The following PLCZ1 variants were observed in gnomAD, a reference collection of about 807,000 sequenced individuals.
PLCZ1 encodes 1-phosphatidylinositol 4,5-bisphosphate phosphodiesterase zeta-1.
Under a neutral mutation model 76.8 loss-of-function variants are expected in PLCZ1, and 64 were observed. That is an observed-to-expected ratio of 0.83 (90% CI 0.68 to 1.03). The LOEUF is 1.03. Among genes scored for constraint, PLCZ1 ranks in the 50% least tolerant of loss-of-function variants. The pLI is 0.00. For missense variants in PLCZ1, 751 were observed against 713.7 expected (o/e 1.05, Z -0.60); for synonymous variants, 248 against 230.8 (o/e 1.07, Z -0.68).
At position 18,696,251 on chromosome 12, in the gene PLCZ1, AAAAT is replaced by A. The variant is rs753566533; in HGVS notation, c.1186_1189del (p.Ile396PhefsTer30). 1.9e-6 allele frequency: 3 copies of A among 1,573,730 alleles called. No individual in the cohort carries two copies. Among genetic ancestry groups the A allele is most frequent in the East Asian group, 2.3e-5 (1 of 44,074 alleles). Reference sequence around the variant, plus strand: ...TCTGGTAATGAACTTCCTGGTGTGAAAAATAAACTCATGGACTGAAAAAGAATAA... The same window carrying A: ...TCTGGTAATGAACTTCCTGGTGTGAAAAACTCATGGACTGAAAAAGAATAA... On this transcript the variant is annotated frameshift_variant, in exon 11 of 15. Coordinates refer to ENST00000266505, the MANE Select transcript of PLCZ1 (RefSeq NM_033123.4). LOFTEE classifies it high-confidence loss of function.
chr12:18,737,830 C>T lies in PLCZ1; in HGVS notation c.-139+102G>A, dbSNP rs180917302. ...CTACTCTGAGAGCCTGAGTATAAATCAACACCATTGTGATTCCTGAAGTTG... is the reference window on the plus strand; with the variant it reads ...CTACTCTGAGAGCCTGAGTATAAATTAACACCATTGTGATTCCTGAAGTTG... On this transcript the variant is annotated intron_variant, in intron 1 of 14. Coordinates refer to ENST00000266505, the MANE Select transcript of PLCZ1 (RefSeq NM_033123.4). 1.7e-4 allele frequency: 50 copies of T among 295,474 alleles called. No homozygotes were observed. The Admixed American group carries it at 2.0e-3, about 12-fold the overall frequency. The allele number at this position is 295,474 out of a possible 1,614,324, so 18.3% of individuals were successfully genotyped here.
intron 6 of PLCZ1, 89 bp downstream of exon 6, chr12:18,712,753 G>T: frequency 1.4e-6 from 2 of 1,466,522 alleles, no homozygotes; most frequent in Non-Finnish European, 1.9e-6. Flanking sequence ...ATCATCTAAA[G>T]TAAGGCTAAG....
At chr12:18,687,435 GGGATC>G in intron 13 of PLCZ1, among the ~76,000 whole-genome samples, 1 of 152,092 alleles carries the variant, frequency 6.6e-6, no homozygotes, top group African/African-American at 2.4e-5. Flanking sequence ...ATCCTGACCA[GGGATC>G]AATCCCAGGA....
intron 5 of PLCZ1, among the ~76,000 whole-genome samples, chr12:18,717,214 T>G (rs114894255): frequency 9.2e-5 from 14 of 152,094 alleles, no homozygotes; most frequent in African/African-American, 3.1e-4. Context: ...TATAACTGCT[T>G]TAATATTTAT....
chr12:18,683,245 G>A lies in PLCZ1; in HGVS notation c.1821C>T (p.Val607=). The change falls in exon 15 of 15, where the codon GTC becomes GTT. Residue 607 remains valine, a synonymous_variant. Coordinates refer to ENST00000266505, the MANE Select transcript of PLCZ1 (RefSeq NM_033123.4). ...PASLFVYVWY[V]R ...TGTCATTTATCATTAGCTGTTATCT[G>A]ACGTACCAAACATAAACAAACAGTG... The A allele has an allele frequency of 6.2e-7, 1 of 1,612,198 alleles. No individual in the cohort carries two copies.
At chr12:18,650,299 CTCT>C in the PLCZ1 span, among the ~76,000 whole-genome samples, 2 of 12,932 alleles carry the variant, frequency 1.5e-4, no homozygotes, top group South Asian at 0.015. Flanking sequence ...AAATTTCTCT[CTCT>C]CTCTCTCTCT....
chr12:18,666,059 A>G, the PLCZ1 span, among the ~76,000 whole-genome samples: 5 of 152,082 alleles, frequency 3.3e-5, no homozygotes, highest in Non-Finnish European at 7.4e-5. Flanking sequence ...TAAGATATTA[A>G]TGGTAATCTC....
chr12:18,689,058 G>A (rs1187584299), intron 12 of PLCZ1, among the ~76,000 whole-genome samples: 1 of 152,030 alleles, frequency 6.6e-6, no homozygotes, highest in Non-Finnish European at 1.5e-5. Context: ...CACAGATTAC[G>A]GCATTAGCTA....
intron 12 of PLCZ1, chr12:18,694,177 A>G: frequency 1.5e-6 from 1 of 670,808 alleles, no homozygotes; most frequent in South Asian, 1.9e-5. Context: ...GGAGTTGCCC[A>G]GAGGAATCTC....
intron 12 of PLCZ1, chr12:18,693,725 G>C: frequency 1.3e-6 from 2 of 1,544,434 alleles, no homozygotes; most frequent in South Asian, 2.2e-5. Flanking sequence ...GAACCAGTTG[G>C]ATGGATTTGA....
chr12:18,713,233 G>A (rs1411654401), intron 5 of PLCZ1, among the ~76,000 whole-genome samples: 3 of 151,868 alleles, frequency 2.0e-5, no homozygotes, highest in African/African-American at 4.8e-5. Flanking sequence ...TTACTCTTCC[G>A]TGCTCTCCAT....
chr12:18,702,977 C>T (rs1956142862), intron 7 of PLCZ1, among the ~76,000 whole-genome samples: 1 of 151,866 alleles, frequency 6.6e-6, no homozygotes, highest in Admixed American at 6.6e-5. Context: ...AACTTTAATT[C>T]TTTATTTACT....
intron 14 of PLCZ1, 160 bp from the exon 15 acceptor site, chr12:18,683,484 A>C: frequency 6.8e-6 from 10 of 1,480,996 alleles, no homozygotes; most frequent in Non-Finnish European, 9.2e-6. Context: ...ACAAAAATTA[A>C]ATATTTGCAT....
At chr12:18,682,635 G>C (rs1378440214), downstream of PLCZ1, among the ~76,000 whole-genome samples, 1 of 152,004 alleles carries the variant, frequency 6.6e-6, no homozygotes, top group Non-Finnish European at 1.5e-5. Context: ...CCACACAGTA[G>C]ATCTCTTTTA....
chr12:18,647,781 T>C, the PLCZ1 span: 1 of 607,832 alleles, frequency 1.6e-6, no homozygotes, highest in Admixed American at 3.9e-5. Flanking sequence ...GTATAAGATA[T>C]TAGCAGCTAA....
the PLCZ1 span, among the ~76,000 whole-genome samples, chr12:18,661,617 G>A: frequency 1.3e-5 from 2 of 152,208 alleles, no homozygotes; most frequent in East Asian, 3.9e-4. Context: ...ACACCAGTCA[G>A]AATGGCTATT....
At chr12:18,710,170 C>T (rs1249395046) in intron 6 of PLCZ1, among the ~76,000 whole-genome samples, 1 of 147,690 alleles carries the variant, frequency 6.8e-6, no homozygotes, top group East Asian at 2.0e-4. Flanking sequence ...GTCTCTTTTT[C>T]TTATCTAGTT....
At chr12:18,719,993 C>T (rs571424800) in intron 4 of PLCZ1, among the ~76,000 whole-genome samples, 1 of 152,200 alleles carries the variant, frequency 6.6e-6, no homozygotes, top group South Asian at 2.1e-4. Context: ...CAGAAGCCTG[C>T]CTCCGACTAA....
chr12:18,667,114 A>G, the PLCZ1 span, among the ~76,000 whole-genome samples: 1 of 152,194 alleles, frequency 6.6e-6, no homozygotes. Context: ...GAGAATGAAA[A>G]TAAAGGCATT....
Sources: allele counts gnomAD v4.1 joint callset (sites outside exome capture counted in the v4.1 genomes callset), GRCh38; gene constraint gnomAD v4.1.1; transcripts MANE v1.5; gene names NCBI Gene and HGNC (gene_info 2026-07-23, HGNC 2026-07-21).